The following MKLN1 variants were observed in gnomAD, a reference collection of about 807,000 sequenced individuals.
The protein encoded by MKLN1 is muskelin 1, also known as muskelin.
MKLN1 carries 18 observed loss-of-function variants against 99.0 expected under a neutral mutation model. The ratio of observed to expected loss-of-function variants is 0.18; its 90% CI spans 0.13 to 0.27. The LOEUF is 0.27. Ranked by LOEUF, MKLN1 falls within the 10% of genes least tolerant of loss-of-function variation. The probability of loss-of-function intolerance (pLI) is 1.00; values close to 1 mark genes in which losing one functional copy is unlikely to be tolerated. For synonymous variants in MKLN1, 288 were observed against 293.2 expected, an observed-to-expected ratio of 0.98 and a Z score of 0.18; for missense variants, 621 against 875.9, an observed-to-expected ratio of 0.71 and a Z score of 3.67.
chr7:131,161,871 C>T (rs1796054630), intron 2 of MKLN1, among the ~76,000 whole-genome samples: 1 of 151,010 alleles, frequency 6.6e-6, no homozygotes, highest in Non-Finnish European at 1.5e-5. Context: ...TGCTGCTGTG[C>T]TGATTAGTAA....
chr7:131,380,650 G>A (rs764600402), intron 2 of MKLN1, among the ~76,000 whole-genome samples: 7 of 152,168 alleles, frequency 4.6e-5, no homozygotes, highest in Non-Finnish European at 1.5e-5. Flanking sequence ...CTAATAAGCT[G>A]TTATGTGACC....
At chr7:131,428,909 A>T in intron 8 of MKLN1, 124 bp from the exon 9 acceptor site, 1 of 637,648 alleles carries the variant, frequency 1.6e-6, no homozygotes, top group Non-Finnish European at 2.7e-6. Context: ...CCAGGTTAAA[A>T]TTTTTATTTT....
chr7:131,481,931 A>G (rs1204748342), intron 17 of MKLN1, among the ~76,000 whole-genome samples: 1 of 152,108 alleles, frequency 6.6e-6, no homozygotes, highest in Non-Finnish European at 1.5e-5. Context: ...TGTATGTAAA[A>G]TTTTAAAGAA....
At chr7:131,421,489 G>T (rs1457198830) in intron 8 of MKLN1, among the ~76,000 whole-genome samples, 1 of 152,116 alleles carries the variant, frequency 6.6e-6, no homozygotes, top group Non-Finnish European at 1.5e-5. Context: ...ACATCCCTGG[G>T]ATTGAATCCT....
intron 16 of MKLN1, 127 bp downstream of exon 16, chr7:131,471,071 T>C: frequency 1.6e-6 from 1 of 624,062 alleles, no homozygotes. Context: ...TCAGTAATCT[T>C]TAAAATGTCA....
chr7:131,291,612 T>C (rs1448463323), intron 3 of MKLN1, among the ~76,000 whole-genome samples: 1 of 148,952 alleles, frequency 6.7e-6, no homozygotes, highest in South Asian at 2.1e-4. Flanking sequence ...AATACAGCTT[T>C]CTTTTATTTA....
chr7:131,359,160 T>G (rs1315884004), intron 1 of MKLN1, among the ~76,000 whole-genome samples: 3 of 152,188 alleles, frequency 2.0e-5, no homozygotes, highest in Non-Finnish European at 2.9e-5. Flanking sequence ...ATGCCGTAAA[T>G]TTCCTTCTAA....
intron 6 of MKLN1, among the ~76,000 whole-genome samples, chr7:131,405,799 C>T (rs1794686483): frequency 6.6e-6 from 1 of 152,002 alleles, no homozygotes; most frequent in Non-Finnish European, 1.5e-5. Context: ...CTGTATGTTT[C>T]CAGTCCTTTG....
intron 1 of MKLN1, among the ~76,000 whole-genome samples, chr7:131,350,179 G>T (rs1433198736): frequency 6.6e-6 from 1 of 151,684 alleles, no homozygotes; most frequent in Non-Finnish European, 1.5e-5. Context: ...TATACATGAA[G>T]AAGAGGACAT....
At chr7:131,270,579 A>G (rs974670159) in intron 3 of MKLN1, among the ~76,000 whole-genome samples, 3 of 152,170 alleles carry the variant, frequency 2.0e-5, no homozygotes, top group Non-Finnish European at 4.4e-5. Flanking sequence ...CAAGTTATGC[A>G]CTTAGGATGT....
At chr7:131,119,186 A>G (rs1324090219) in intron 1 of MKLN1, among the ~76,000 whole-genome samples, 1 of 152,250 alleles carries the variant, frequency 6.6e-6, no homozygotes, top group Non-Finnish European at 1.5e-5. Context: ...AAATGGAGAA[A>G]TTGGCCAAAA....
intron 3 of MKLN1, among the ~76,000 whole-genome samples, chr7:131,234,051 C>G (rs1183167154): frequency 3.9e-5 from 6 of 152,134 alleles, no homozygotes; most frequent in Non-Finnish European, 8.8e-5. Flanking sequence ...ATGATCTTGG[C>G]TCACTGCAAC....
intron 3 of MKLN1, among the ~76,000 whole-genome samples, chr7:131,287,956 A>G (rs1348185961): frequency 2.0e-5 from 3 of 152,094 alleles, no homozygotes; most frequent in African/African-American, 7.2e-5. Flanking sequence ...GCCTTCTGCC[A>G]TGATTGTAAG....
At chr7:131,394,121 AAAAC>A (rs1794286040) in intron 4 of MKLN1, among the ~76,000 whole-genome samples, 2 of 152,072 alleles carry the variant, frequency 1.3e-5, no homozygotes, top group East Asian at 3.8e-4. Flanking sequence ...AAGAAACACT[AAAAC>A]AATAAAGATA....
chr7:131,456,990 A>G (rs1364327927), intron 12 of MKLN1, among the ~76,000 whole-genome samples: 3 of 152,274 alleles, frequency 2.0e-5, no homozygotes, highest in Non-Finnish European at 2.9e-5. Context: ...ATTAAAACAG[A>G]TGAACGGCCA....
At chr7:131,483,604 A>G (rs1797186072) in intron 17 of MKLN1, among the ~76,000 whole-genome samples, 1 of 152,146 alleles carries the variant, frequency 6.6e-6, no homozygotes, top group Non-Finnish European at 1.5e-5. Context: ...TAATGTGCAT[A>G]TTTTTCCCCA....
rs201300544 is a variant in MKLN1, at chr7:131,419,252, G to T, written c.847+4542G>T. Among the ~76,000 whole-genome samples, 470 of 115,324 alleles carry T rather than the reference G, an allele frequency of 4.1e-3. 1 individual carries two copies. Among genetic ancestry groups the T allele is most frequent in the Middle Eastern group, 0.014 (3 of 214 alleles). 75.7% of individuals were successfully genotyped at this position (115,324 alleles called of 152,430 possible). ...TGTATATATATATATATATATTTTT[G>T]TTTTTTTTTTTTTTTTGAGACAGAG... On this transcript the variant is annotated intron_variant, in intron 8 of 17. Transcript: ENST00000352689.
intron 17 of MKLN1, among the ~76,000 whole-genome samples, chr7:131,485,154 A>G (rs1797238005): frequency 6.6e-6 from 1 of 152,062 alleles, no homozygotes; most frequent in African/African-American, 2.4e-5. Flanking sequence ...AAGTACCCCA[A>G]AATTAATGGG....
At chr7:131,259,851 G>C (rs1027815814) in intron 3 of MKLN1, among the ~76,000 whole-genome samples, 2 of 152,132 alleles carry the variant, frequency 1.3e-5, no homozygotes, top group African/African-American at 4.8e-5. Context: ...GTCCTAGCCA[G>C]AGCAGTCAGG....
Sources: allele counts gnomAD v4.1 joint callset (sites outside exome capture counted in the v4.1 genomes callset), GRCh38; gene constraint gnomAD v4.1.1; transcripts MANE v1.5; gene names NCBI Gene and HGNC (gene_info 2026-07-23, HGNC 2026-07-21).